ZCCHC2: variants seen among roughly 807,000 people sequenced by gnomAD.
ZCCHC2 encodes zinc finger CCHC-type containing 2.
A neutral mutation model predicts 103.6 loss-of-function variants in ZCCHC2; 39 were observed. The ratio of observed to expected loss-of-function variants is 0.38; its 90% CI spans 0.29 to 0.49. The LOEUF (loss-of-function observed/expected upper bound fraction) is 0.49, where lower values mean the gene tolerates loss of function less well. Ranked by LOEUF, ZCCHC2 falls within the 20% of genes least tolerant of loss-of-function variation. The pLI is 0.96. For synonymous variants in ZCCHC2, 687 were observed against 608.9 expected (o/e 1.13, Z -1.89); for missense variants, 1,483 against 1,491.0 (o/e 0.99, Z 0.09).
chr18:62,523,250 C>T lies in ZCCHC2; in HGVS notation c.-175C>T, dbSNP rs893483107. 1 of 460,616 alleles carries T rather than the reference C, an allele frequency of 2.2e-6. No individual in the cohort carries two copies. The allele number at this position is 460,616 out of a possible 1,614,324, so 28.5% of individuals were successfully genotyped here. A position where few individuals can be genotyped will look rare whatever the true frequency, so the allele number is the denominator to read the frequency against. Reference sequence around the variant, plus strand: ...CCCGGGAAGACGACGCCAGCGACCCCGCCGGCCGGCCACCGCCCCCCTCGC... The same window carrying T: ...CCCGGGAAGACGACGCCAGCGACCCTGCCGGCCGGCCACCGCCCCCCTCGC... On this transcript the variant is annotated 5_prime_UTR_variant, in exon 1 of 14. Coordinates refer to ENST00000269499, the MANE Select transcript of ZCCHC2 (RefSeq NM_017742.6).
rs1377523681 is a variant in ZCCHC2, at chr18:62,524,023, C to T, written c.599C>T (p.Ser200Leu). Residue 200 changes from serine to leucine, a missense_variant, in exon 1 of 14, where the codon TCG (serine) becomes TTG (leucine). By Grantham distance (145) the Ser-to-Leu change is moderately radical. Transcript: ENST00000269499. ...RLHRLLPQVD[S>L]VLKSLRAARG... The stretch of plus-strand genomic sequence containing the variant: ...CACCGCCTGCTACCCCAGGTGGACT[C>T]GGTGCTCAAAAGCCTGCGCGCGGCC... 4.7e-6 allele frequency: 7 copies of T among 1,478,126 alleles called. No homozygotes were observed. In the South Asian group the frequency reaches 8.1e-5, roughly 17 times the overall value. 91.6% of individuals were successfully genotyped at this position (1,478,126 alleles called of 1,614,324 possible).
intron 7 of ZCCHC2, among the ~76,000 whole-genome samples, chr18:62,559,686 T>G (rs1032991517): frequency 6.6e-6 from 1 of 152,220 alleles, no homozygotes; most frequent in African/African-American, 2.4e-5. Flanking sequence ...CAGCATTGTT[T>G]GCAAGGGCAA....
At chr18:62,560,496 C>A in intron 7 of ZCCHC2, 91 bp from the exon 8 acceptor site, 1 of 983,866 alleles carries the variant, frequency 1.0e-6, no homozygotes, top group Non-Finnish European at 1.6e-6. Context: ...CATCTGTCAC[C>A]AGTGGTTATG....
chr18:62,540,720 A>T (rs574787168), intron 2 of ZCCHC2, among the ~76,000 whole-genome samples: 1 of 152,334 alleles, frequency 6.6e-6, no homozygotes. Context: ...TTATATCAAA[A>T]TGCTGACAAT....
Position 62,563,039 on chromosome 18 carries a change from T to A in ZCCHC2, c.1581T>A (p.Asp527Glu). The change falls in exon 9 of 14, where the codon GAT (aspartate) becomes GAA (glutamate). Residue 527 changes from aspartate (D) to glutamate (E), a missense_variant. Coordinates refer to ENST00000269499, the MANE Select transcript of ZCCHC2 (RefSeq NM_017742.6). The stretch of plus-strand genomic sequence containing the variant: ...TTGGTACAAGTTGTTCTCCATTGGA[T>A]GGGCTTACCATGCAATATTCTGAAC... ...NNIGTSCSPL[D>E]GLTMQYSEQN... is the part of the protein sequence containing the mutation. 1 of 1,613,428 alleles carries A rather than the reference T, an allele frequency of 6.2e-7. No homozygotes were observed.
chr18:62,577,646 G>T lies in ZCCHC2; in HGVS notation c.*1067G>T, dbSNP rs1402993860. The T allele has an allele frequency of 6.6e-6, 1 of 152,472 alleles. No individual in the cohort carries two copies. The highest frequency in any genetic ancestry group is 1.5e-5 in the Non-Finnish European group (1 of 68,032). The allele number at this position is 152,472 out of a possible 1,614,324, so 9.4% of individuals were successfully genotyped here. On this transcript the variant is annotated 3_prime_UTR_variant, in exon 14 of 14. Coordinates refer to ENST00000269499, the MANE Select transcript of ZCCHC2 (RefSeq NM_017742.6). ...TCATAGCAAAGTCACTTTTATAACA[G>T]TTTACCACTATGCTTGATTATAATG...
Position 62,524,112 on chromosome 18 carries a change from G to A in ZCCHC2, c.688G>A (p.Asp230Asn), listed in dbSNP as rs1478640874. ...CGGCGAGGACGGCGACGGCGAGCAG[G>A]ACGCCGAGAAGGACGGCTCAGGCCC... is the stretch of plus-strand genomic sequence containing the variant. ...ERGEDGDGEQDAEKDGSGPEG... is the reference protein window; with the variant it reads ...ERGEDGDGEQNAEKDGSGPEG... The change falls in exon 1 of 14, where the codon GAC (aspartate) becomes AAC (asparagine). Residue 230 changes from aspartate (D) to asparagine (N), a missense_variant. Physicochemically the swap from Asp to Asn is conservative, Grantham distance 23. Coordinates refer to ENST00000269499, the MANE Select transcript of ZCCHC2 (RefSeq NM_017742.6). The A allele has an allele frequency of 4.6e-6, 7 of 1,525,586 alleles. No homozygotes were observed. The Admixed American group carries it at 1.0e-4, about 22-fold the overall frequency. 94.5% of individuals were successfully genotyped at this position (1,525,586 alleles called of 1,614,324 possible).
At position 62,574,889 on chromosome 18, in the gene ZCCHC2, C is replaced by G. The variant is rs1233886225; in HGVS notation, c.2808C>G (p.Leu936=). The G allele has an allele frequency of 1.9e-6, 3 of 1,613,746 alleles. No individual in the cohort carries two copies. Among genetic ancestry groups the G allele is most frequent in the Non-Finnish European group, 1.7e-6 (2 of 1,179,904 alleles). ...GVLPSQNSSV[L]STAATSPQPA... ...TACCCAGCCAGAACTCCAGTGTGCT[C>G]AGCACAGCAGCAACTTCTCCCCAGC... is the stretch of plus-strand genomic sequence containing the variant. The change falls in exon 13 of 14, where the codon CTC becomes CTG. Residue 936 remains leucine (L), a synonymous_variant. Transcript: ENST00000269499.
At chr18:62,557,004 G>T (rs557411259) in intron 6 of ZCCHC2, among the ~76,000 whole-genome samples, 2 of 152,260 alleles carry the variant, frequency 1.3e-5, no homozygotes, top group East Asian at 3.9e-4. Context: ...GCTGTTGCCT[G>T]CCCTGTGTCT....
chr18:62,523,699 T>G lies in ZCCHC2; in HGVS notation c.275T>G (p.Leu92Arg). ...GGCGGCGGGGGGCCCTCGGCGGCGC[T>G]GCGCGAGCAGGAGCGGGTATACGAG... ...PGGGGGPSAA[L>R]REQERVYEWF... Residue 92 changes from leucine (L) to arginine (R), a missense_variant, in exon 1 of 14, where the codon CTG becomes CGG. By Grantham distance (102) the Leu-to-Arg change is moderately radical. This residue lies in a region of ZCCHC2 where 568 missense variants were observed against 525.1 expected (regional missense o/e 1.08). Transcript: ENST00000269499. 3 of 1,421,372 alleles carry G rather than the reference T, an allele frequency of 2.1e-6. No individual in the cohort carries two copies. Among genetic ancestry groups the G allele is most frequent in the Non-Finnish European group, 1.8e-6 (2 of 1,091,596 alleles). 88.0% of individuals were successfully genotyped at this position (1,421,372 alleles called of 1,614,324 possible). A position where few individuals can be genotyped will look rare whatever the true frequency, so the allele number is the denominator to read the frequency against.
chr18:62,573,879 A>C (rs1172275118), intron 12 of ZCCHC2, among the ~76,000 whole-genome samples, 178 bp from the exon 13 acceptor site: 1 of 152,206 alleles, frequency 6.6e-6, no homozygotes, highest in Non-Finnish European at 1.5e-5. Flanking sequence ...TAAAGCGTTG[A>C]TCTAATATCG....
rs764696870 is a variant in ZCCHC2, at chr18:62,575,050, G to T, written c.2969G>T (p.Ser990Ile). ...CAGAGTGACAGCACCTCTTACATCA[G>T]TGCTGTGGGGAACACGAACGCTAAT... The part of the protein sequence containing the change: ...TAQSDSTSYI[S>I]AVGNTNANGT... Residue 990 changes from serine (S) to isoleucine (I), a missense_variant, in exon 13 of 14, where the codon AGT (serine) becomes ATT (isoleucine). Coordinates refer to ENST00000269499, the MANE Select transcript of ZCCHC2 (RefSeq NM_017742.6). The T allele has an allele frequency of 1.2e-6, 2 of 1,614,034 alleles. No individual in the cohort carries two copies. Among genetic ancestry groups the T allele is most frequent in the East Asian group, 2.2e-5 (1 of 44,888 alleles).
At chr18:62,565,362 G>A (rs751577532) in intron 11 of ZCCHC2, among the ~76,000 whole-genome samples, 3 of 151,904 alleles carry the variant, frequency 2.0e-5, no homozygotes, top group South Asian at 2.1e-4. Flanking sequence ...AGTCTCCCAG[G>A]TTGTTCTTCT....
At position 62,564,484 on chromosome 18, in the gene ZCCHC2, A is replaced by C. The variant is rs973323042; in HGVS notation, c.1687-87A>C. 7.3e-6 allele frequency: 7 copies of C among 964,518 alleles called. No homozygotes were observed. The African/African-American group carries it at 1.2e-4, about 16-fold the overall frequency. 59.7% of individuals were successfully genotyped at this position (964,518 alleles called of 1,614,324 possible). The stretch of plus-strand genomic sequence containing the variant: ...CACTTGTTAGAATATACAACTGGGA[A>C]TCTATCATTTTAATGTTTATTATGA... On this transcript the variant is annotated intron_variant, in intron 9 of 13. Transcript: ENST00000269499.
chr18:62,548,591 T>A (rs1915520082), intron 4 of ZCCHC2, among the ~76,000 whole-genome samples: 1 of 152,192 alleles, frequency 6.6e-6, no homozygotes, highest in African/African-American at 2.4e-5. Context: ...AAAATGCTAA[T>A]ATCAAAATAT....
chr18:62,542,480 G>T lies in ZCCHC2; in HGVS notation c.1052-18G>T. On this transcript the variant is annotated intron_variant, in intron 2 of 13. Transcript: ENST00000269499. Reference sequence around the variant, plus strand: ...TAGTCTTTGTAGCACAAGTCACCGTGTGTTTTTTTTCTTTCAGCTGTACAC... The same window carrying T: ...TAGTCTTTGTAGCACAAGTCACCGTTTGTTTTTTTTCTTTCAGCTGTACAC... The T allele has an allele frequency of 1.3e-6, 2 of 1,551,302 alleles. No homozygotes were observed. The highest frequency in any genetic ancestry group is 1.7e-6 in the Non-Finnish European group (2 of 1,145,702).
chr18:62,547,053 G>A (rs889733367), intron 4 of ZCCHC2, among the ~76,000 whole-genome samples: 8 of 151,804 alleles, frequency 5.3e-5, no homozygotes, highest in South Asian at 2.1e-4. Context: ...TGCCAGGTTC[G>A]GTGGCTCATG....
rs1213241982 is a variant in ZCCHC2 at position 62,574,634 on chromosome 18, C to G, written c.2553C>G (p.Ile851Met). The change falls in exon 13 of 14, where the codon ATC becomes ATG. Residue 851 changes from isoleucine to methionine, a missense_variant. By Grantham distance (10) the Ile-to-Met change is conservative. Coordinates refer to ENST00000269499, the MANE Select transcript of ZCCHC2 (RefSeq NM_017742.6). ...CACCAAACACTGCCTTTATTCCTAT[C>G]CATAACCCAGGTAGTTTCCCAGGCT... ...IASPNTAFIPIHNPGSFPGSP... is the reference protein window; with the variant it reads ...IASPNTAFIPMHNPGSFPGSP... 1.2e-6 allele frequency: 2 copies of G among 1,613,882 alleles called. No individual in the cohort carries two copies. Among genetic ancestry groups the G allele is most frequent in the Non-Finnish European group, 1.7e-6 (2 of 1,179,898 alleles).
chr18:62,523,300 G>A lies in ZCCHC2; in HGVS notation c.-125G>A, dbSNP rs1450867965. On this transcript the variant is annotated 5_prime_UTR_variant, in exon 1 of 14. Transcript: ENST00000269499. The stretch of plus-strand genomic sequence containing the variant: ...CCGGCCGAGACCCGCCCCCGGCCCC[G>A]GCCCTCCCCCGGCGGCATGGAGGGG... The A allele has an allele frequency of 3.6e-5, 12 of 336,208 alleles. No individual in the cohort carries two copies. The highest frequency in any genetic ancestry group is 1.1e-4 in the African/African-American group (4 of 36,364). The allele number at this position is 336,208 out of a possible 1,614,324, so 20.8% of individuals were successfully genotyped here. A position where few individuals can be genotyped will look rare whatever the true frequency, so the allele number is the denominator to read the frequency against.
Sources: gnomAD v4.1 joint callset for allele counts (sites outside exome capture counted in the v4.1 genomes callset) on GRCh38, gnomAD v4.1.1 for gene constraint, gnomAD v4.1.1 regional missense constraint, MANE v1.5 for transcripts, NCBI Gene and HGNC (gene_info 2026-07-23, HGNC 2026-07-21) for gene names.